Variants in FSTL5 observed in about 807,000 individuals in gnomAD.
FSTL5 encodes the protein follistatin like 5.
A neutral mutation model predicts 89.1 loss-of-function variants in FSTL5; 62 were observed. The observed-to-expected ratio is 0.70, with a 90% CI of 0.57 to 0.86. The LOEUF is 0.86. Among genes scored for constraint, FSTL5 ranks in the 40% least tolerant of loss-of-function variants. The pLI, the probability that FSTL5 is intolerant of heterozygous loss-of-function variation, is 0.00. For synonymous variants in FSTL5, 383 were observed against 346.2 expected (o/e 1.11, Z -1.18); for missense variants, 1,057 against 1,001.6 (o/e 1.06, Z -0.75).
intron 7 of FSTL5, among the ~76,000 whole-genome samples, chr4:161,622,126 T>C (rs1735154744): frequency 6.6e-6 from 1 of 152,138 alleles, no homozygotes; most frequent in Non-Finnish European, 1.5e-5. Flanking sequence ...AATAAATTTG[T>C]AAACAGGAAT....
chr4:162,012,383 T>C (rs1045968234), intron 3 of FSTL5, among the ~76,000 whole-genome samples: 2 of 152,226 alleles, frequency 1.3e-5, no homozygotes, highest in Non-Finnish European at 2.9e-5. Context: ...TTTATTCTTT[T>C]GCATTGATAT....
chr4:161,529,317 C>T lies in FSTL5; in HGVS notation c.1312+8849G>A, dbSNP rs748846583. The stretch of plus-strand genomic sequence containing the variant: ...ATAGAAGTCACAAGACAGGTATTTT[C>T]GGTATGTTCTGGGTAAAAAGATGAA... On this transcript the variant is annotated intron_variant, in intron 10 of 15. Transcript: ENST00000306100. 1.3e-4 allele frequency among the ~76,000 whole-genome samples: 18 copies of T among 142,410 alleles called. 5 individuals are homozygous for T. Among genetic ancestry groups the T allele is most frequent in the Admixed American group, 6.1e-4 (8 of 13,180 alleles). The allele number at this position is 142,410 out of a possible 152,430, so 93.4% of individuals were successfully genotyped here.
chr4:161,635,240 T>A (rs969636857), intron 7 of FSTL5, among the ~76,000 whole-genome samples: 2 of 151,902 alleles, frequency 1.3e-5, no homozygotes, highest in African/African-American at 2.4e-5. Context: ...TACAAAAAAA[T>A]TAGCCGGGCG....
At chr4:161,839,213 A>G (rs936377006) in intron 4 of FSTL5, among the ~76,000 whole-genome samples, 1 of 152,120 alleles carries the variant, frequency 6.6e-6, no homozygotes, top group Admixed American at 6.5e-5. Context: ...AATAGACAAA[A>G]TGCAGTATAA....
chr4:161,854,386 C>T (rs552597240), intron 4 of FSTL5, among the ~76,000 whole-genome samples: 25 of 152,270 alleles, frequency 1.6e-4, no homozygotes, highest in African/African-American at 5.5e-4. Flanking sequence ...TATCAGTTAT[C>T]TCAATGAGTA....
At chr4:162,038,598 G>C (rs1304334997) in intron 2 of FSTL5, among the ~76,000 whole-genome samples, 6 of 151,804 alleles carry the variant, frequency 4.0e-5, no homozygotes, top group Non-Finnish European at 7.4e-5. Context: ...CATGTTGCTA[G>C]TCTTTTAACT....
At chr4:162,137,047 C>T (rs1157216283) in intron 1 of FSTL5, among the ~76,000 whole-genome samples, 1 of 151,852 alleles carries the variant, frequency 6.6e-6, no homozygotes, top group Non-Finnish European at 1.5e-5. Context: ...CAAAACAAAA[C>T]TGAAAAAAAT....
intron 15 of FSTL5, among the ~76,000 whole-genome samples, chr4:161,409,397 T>TTA (rs1731510013): frequency 6.6e-6 from 1 of 152,084 alleles, no homozygotes; most frequent in African/African-American, 2.4e-5. Context: ...TATTATTATT[T>TTA]TTTTGAGATG....
intron 7 of FSTL5, among the ~76,000 whole-genome samples, chr4:161,606,526 G>A (rs1267900628): frequency 2.0e-5 from 3 of 151,998 alleles, no homozygotes; most frequent in Admixed American, 1.3e-4. Flanking sequence ...CACCGCGCCC[G>A]GCCCGATTAT....
At chr4:161,743,551 T>G (rs902818549) in intron 6 of FSTL5, among the ~76,000 whole-genome samples, 1 of 152,130 alleles carries the variant, frequency 6.6e-6, no homozygotes, top group Non-Finnish European at 1.5e-5. Flanking sequence ...CGATTCCATA[T>G]GAACTTTAGT....
chr4:162,150,945 A>G (rs79379038), intron 1 of FSTL5, among the ~76,000 whole-genome samples: 20,941 of 152,190 alleles, frequency 0.14, 1,960 homozygotes, highest in Non-Finnish European at 0.19. Context: ...TGTAATCTCA[A>G]TAAATCACAT....
chr4:161,536,864 GA>G (rs2126537717), intron 10 of FSTL5, among the ~76,000 whole-genome samples: 2 of 152,166 alleles, frequency 1.3e-5, no homozygotes, highest in Non-Finnish European at 2.9e-5. Context: ...TAAGGACAAA[GA>G]AAACAAACAT....
At chr4:162,011,297 T>G (rs2111131002) in intron 3 of FSTL5, among the ~76,000 whole-genome samples, 1 of 152,242 alleles carries the variant, frequency 6.6e-6, no homozygotes, top group Non-Finnish European at 1.5e-5. Flanking sequence ...CAGAAGATAT[T>G]ACTTGAATTT....
At chr4:161,412,147 CT>C (rs1281596193) in intron 15 of FSTL5, among the ~76,000 whole-genome samples, 1 of 151,970 alleles carries the variant, frequency 6.6e-6, no homozygotes, top group Non-Finnish European at 1.5e-5. Flanking sequence ...GGTGAAAGAC[CT>C]CTACAAAGAG....
At chr4:161,639,436 C>T (rs533195148) in intron 7 of FSTL5, among the ~76,000 whole-genome samples, 1 of 152,154 alleles carries the variant, frequency 6.6e-6, no homozygotes, top group East Asian at 1.9e-4. Context: ...ATTACATTAT[C>T]ATCTAAATAT....
At chr4:162,078,894 A>G (rs759344537) in intron 2 of FSTL5, among the ~76,000 whole-genome samples, 7 of 151,770 alleles carry the variant, frequency 4.6e-5, no homozygotes, top group Non-Finnish European at 7.4e-5. Context: ...GAAACTTAAT[A>G]TAAGCAAAAT....
chr4:161,846,048 C>CA (rs34298769), intron 4 of FSTL5, among the ~76,000 whole-genome samples: 11,254 of 144,052 alleles, frequency 0.078, 483 homozygotes, highest in African/African-American at 0.12. Flanking sequence ...GACTCCGTCT[C>CA]AAAAAAAAAA....
chr4:161,430,560 G>A (rs1338356559), intron 15 of FSTL5, among the ~76,000 whole-genome samples: 1 of 152,134 alleles, frequency 6.6e-6, no homozygotes, highest in African/African-American at 2.4e-5. Flanking sequence ...CTAACACGGT[G>A]AAACCCCGTC....
At chr4:161,626,748 G>C (rs1414910145) in intron 7 of FSTL5, among the ~76,000 whole-genome samples, 1 of 152,176 alleles carries the variant, frequency 6.6e-6, no homozygotes, top group African/African-American at 2.4e-5. Flanking sequence ...CATTCTTGAT[G>C]CCGTTAAGAA....
Sources: gnomAD v4.1 joint callset for allele counts (sites outside exome capture counted in the v4.1 genomes callset) on GRCh38, gnomAD v4.1.1 for gene constraint, MANE v1.5 for transcripts, NCBI Gene and HGNC (gene_info 2026-07-23, HGNC 2026-07-21) for gene names.